TMEFF2: variants seen among roughly 807,000 people sequenced by gnomAD.
TMEFF2 encodes transmembrane protein with EGF like and two follistatin like domains 2.
In TMEFF2, 28 loss-of-function variants were observed where a neutral mutation model predicts 53.8. That is an observed-to-expected ratio of 0.52 (90% CI 0.39 to 0.71). TMEFF2 has a LOEUF of 0.71. Ranked by LOEUF, TMEFF2 falls within the 30% of genes least tolerant of loss-of-function variation. TMEFF2 has a pLI of 0.00. For missense variants in TMEFF2, 353 were observed against 455.2 expected, an observed-to-expected ratio of 0.78 and a Z score of 2.04; for synonymous variants, 162 against 166.3, an observed-to-expected ratio of 0.97 and a Z score of 0.20.
intron 4 of TMEFF2, among the ~76,000 whole-genome samples, chr2:192,160,250 G>A (rs1021193877): frequency 6.6e-6 from 1 of 152,100 alleles, no homozygotes; most frequent in Non-Finnish European, 1.5e-5. Context: ...AAGTTGCTGG[G>A]TGAGTCCTAT....
chr2:192,163,167 A>C (rs994790880), intron 4 of TMEFF2, among the ~76,000 whole-genome samples: 1 of 152,176 alleles, frequency 6.6e-6, no homozygotes, highest in African/African-American at 2.4e-5. Context: ...TTATATTTCC[A>C]GTTACTCAAA....
intron 1 of TMEFF2, among the ~76,000 whole-genome samples, chr2:192,193,473 C>A (rs1290599685): frequency 6.6e-6 from 1 of 152,076 alleles, no homozygotes; most frequent in African/African-American, 2.4e-5. Flanking sequence ...TGAAGGAACC[C>A]GAGCGAGCAA....
At chr2:192,193,763 G>GAT (rs1430321756) in intron 1 of TMEFF2, among the ~76,000 whole-genome samples, 32 of 20,062 alleles carry the variant, frequency 1.6e-3, no homozygotes, top group African/African-American at 3.8e-3. Flanking sequence ...TAGATAGATA[G>GAT]AGAGAGAGAG....
At chr2:192,049,832 T>C (rs1021726741) in intron 5 of TMEFF2, among the ~76,000 whole-genome samples, 1 of 152,094 alleles carries the variant, frequency 6.6e-6, no homozygotes, top group Non-Finnish European at 1.5e-5. Context: ...AAACCCCATC[T>C]CTACTAAAAA....
chr2:192,084,580 C>A (rs1238908767), intron 4 of TMEFF2, among the ~76,000 whole-genome samples: 2 of 152,108 alleles, frequency 1.3e-5, no homozygotes, highest in Non-Finnish European at 1.5e-5. Flanking sequence ...TTTATTTTCA[C>A]CTTTCTACCT....
chr2:192,038,379 G>A (rs917133734), intron 5 of TMEFF2, among the ~76,000 whole-genome samples: 2 of 152,114 alleles, frequency 1.3e-5, no homozygotes, highest in African/African-American at 2.4e-5. Context: ...AATGAGTTAA[G>A]GAATGCAAAG....
At chr2:192,184,236 C>A in intron 3 of TMEFF2, 118 bp downstream of exon 3, 4 of 1,264,028 alleles carry the variant, frequency 3.2e-6, no homozygotes, top group Non-Finnish European at 3.3e-6. Context: ...CAAAACAATA[C>A]GGCTTGTCTA....
At chr2:191,991,173 T>C (rs1686095813) in intron 7 of TMEFF2, among the ~76,000 whole-genome samples, 1 of 152,074 alleles carries the variant, frequency 6.6e-6, no homozygotes, top group South Asian at 2.1e-4. Flanking sequence ...TAAATAAGTA[T>C]TCAATAAATA....
At chr2:192,172,168 A>G (rs73984908) in intron 4 of TMEFF2, among the ~76,000 whole-genome samples, 17,330 of 150,218 alleles carry the variant, frequency 0.12, 1,135 homozygotes, top group African/African-American at 0.17. Flanking sequence ...CATAAAGGCC[A>G]TCCCATCTTG....
At chr2:192,100,964 T>G (rs1689018902) in intron 4 of TMEFF2, among the ~76,000 whole-genome samples, 1 of 152,186 alleles carries the variant, frequency 6.6e-6, no homozygotes, top group Admixed American at 6.6e-5. Context: ...TTCTTAGCTA[T>G]CTGTGAGTAG....
chr2:192,067,026 A>G (rs1223959610), intron 4 of TMEFF2, among the ~76,000 whole-genome samples: 5 of 151,864 alleles, frequency 3.3e-5, no homozygotes, highest in African/African-American at 4.8e-5. Flanking sequence ...AATCCCAGTT[A>G]GAGGAGATTG....
In TMEFF2 at chr2:192,132,166, T is replaced by C. The variant is rs1320507652; in HGVS notation, c.439+47502A>G. Among the ~76,000 whole-genome samples, 38 of 152,302 alleles carry C rather than the reference T, an allele frequency of 2.5e-4. 1 individual carries two copies. The South Asian group carries it at 3.7e-3, about 15-fold the overall frequency. On this transcript the variant is annotated intron_variant, in intron 4 of 9. Coordinates refer to ENST00000272771, the MANE Select transcript of TMEFF2 (RefSeq NM_016192.4). ...GCCTCCGCTCCTCCACCCTGTAATC[T>C]TTTTATCACCTCCCCTCCTCACACC...
At chr2:192,056,197 C>T (rs1212857528) in intron 5 of TMEFF2, among the ~76,000 whole-genome samples, 1 of 152,040 alleles carries the variant, frequency 6.6e-6, no homozygotes, top group Non-Finnish European at 1.5e-5. Flanking sequence ...TAGGCAAGCA[C>T]AGTCTACATA....
intron 5 of TMEFF2, among the ~76,000 whole-genome samples, chr2:192,034,308 T>C (rs969692814): frequency 3.9e-5 from 6 of 152,072 alleles, no homozygotes; most frequent in Non-Finnish European, 8.8e-5. Flanking sequence ...AATCTCAATA[T>C]AGTGTTAAGT....
At chr2:191,964,829 C>T (rs1452684951) in intron 7 of TMEFF2, among the ~76,000 whole-genome samples, 1 of 152,082 alleles carries the variant, frequency 6.6e-6, no homozygotes, top group Non-Finnish European at 1.5e-5. Flanking sequence ...AGTCTCTTCT[C>T]AGGCCTCAGC....
intron 5 of TMEFF2, among the ~76,000 whole-genome samples, chr2:192,015,307 G>GC (rs897173834): frequency 1.6e-4 from 9 of 57,446 alleles, no homozygotes; most frequent in Non-Finnish European, 2.9e-4. Context: ...TATCACTGAA[G>GC]CTTTTTTTTT....
chr2:191,994,166 G>A (rs1463557325), intron 7 of TMEFF2, among the ~76,000 whole-genome samples: 1 of 151,914 alleles, frequency 6.6e-6, no homozygotes, highest in Non-Finnish European at 1.5e-5. Flanking sequence ...GTAATAGTCT[G>A]TGTTGCTGGT....
At position 191,975,265 on chromosome 2, in the gene TMEFF2, C is replaced by CTTCTT. The variant is rs1553509213; in HGVS notation, c.746-18888_746-18887insAAGAA. Among the ~76,000 whole-genome samples the CTTCTT allele has an allele frequency of 6.0e-3, 528 of 88,364 alleles. 4 individuals are homozygous for CTTCTT. Among genetic ancestry groups the CTTCTT allele is most frequent in the African/African-American group, 0.016 (514 of 31,532 alleles). The allele number at this position is 88,364 out of a possible 152,430, so 58.0% of individuals were successfully genotyped here. ...ATCAGGTGATTTTTTTCTTTTTCTTCTTTTTTTTTTTTTTTTGCCTAAAAA... is the reference window on the plus strand; with the variant it reads ...ATCAGGTGATTTTTTTCTTTTTCTTCTTCTTTTTTTTTTTTTTTTTTGCCTAAAAA... On this transcript the variant is annotated intron_variant, in intron 7 of 9. Transcript: ENST00000272771.
At chr2:191,974,261 A>AT (rs201216670) in intron 7 of TMEFF2, among the ~76,000 whole-genome samples, 2 of 151,794 alleles carry the variant, frequency 1.3e-5, no homozygotes, top group African/African-American at 2.4e-5. Flanking sequence ...TTGAGACAGA[A>AT]TTTTTTTTGT....
Sources: gnomAD v4.1 joint callset for allele counts (sites outside exome capture counted in the v4.1 genomes callset) on GRCh38, gnomAD v4.1.1 for gene constraint, MANE v1.5 for transcripts, NCBI Gene and HGNC (gene_info 2026-07-23, HGNC 2026-07-21) for gene names.